CNTNAP2: variants seen among roughly 807,000 people sequenced by gnomAD.
CNTNAP2 encodes the protein contactin associated protein 2.
Under a neutral mutation model 155.2 loss-of-function variants are expected in CNTNAP2, and 98 were observed. The observed-to-expected ratio is 0.63, with a 90% CI of 0.54 to 0.75. CNTNAP2 has a LOEUF of 0.75. CNTNAP2 is among the 30% of genes least tolerant of loss of function. The probability of loss-of-function intolerance (pLI) is 0.00; values close to 1 mark genes in which losing one functional copy is unlikely to be tolerated. For missense variants in CNTNAP2, 1,727 were observed against 1,688.1 expected (o/e 1.02, Z -0.40); for synonymous variants, 651 against 631.2 (o/e 1.03, Z -0.47).
At chr7:147,517,166 C>T (rs1404666927) in intron 11 of CNTNAP2, among the ~76,000 whole-genome samples, 1 of 151,834 alleles carries the variant, frequency 6.6e-6, no homozygotes, top group Non-Finnish European at 1.5e-5. Context: ...CACCATGCCC[C>T]ACCAAGATGT....
intron 15 of CNTNAP2, among the ~76,000 whole-genome samples, chr7:148,087,212 G>A (rs1207945057): frequency 6.6e-6 from 1 of 152,076 alleles, no homozygotes; most frequent in African/African-American, 2.4e-5. Context: ...ATTATGTGGG[G>A]CCCCATGTTG....
At chr7:146,666,978 T>A (rs554096324) in intron 1 of CNTNAP2, among the ~76,000 whole-genome samples, 2 of 152,174 alleles carry the variant, frequency 1.3e-5, no homozygotes, top group African/African-American at 4.8e-5. Context: ...AGAAGCTTTT[T>A]AGTTTGATAT....
intron 15 of CNTNAP2, among the ~76,000 whole-genome samples, chr7:148,075,637 A>G (rs1803470664): frequency 6.6e-6 from 1 of 152,216 alleles, no homozygotes; most frequent in African/African-American, 2.4e-5. Flanking sequence ...AACAAAAATT[A>G]TAACTTTTAA....
At chr7:147,536,311 T>C (rs1413462653) in intron 11 of CNTNAP2, among the ~76,000 whole-genome samples, 1 of 152,264 alleles carries the variant, frequency 6.6e-6, no homozygotes, top group African/African-American at 2.4e-5. Flanking sequence ...GCTGCGAATG[T>C]GCCAGTGAGT....
intron 2 of CNTNAP2, among the ~76,000 whole-genome samples, chr7:146,795,336 T>A (rs1307499775): frequency 6.6e-6 from 1 of 152,240 alleles, no homozygotes; most frequent in Admixed American, 6.5e-5. Flanking sequence ...TACTTAGTAT[T>A]CTCCACAGTA....
At chr7:147,625,182 T>G (rs898325758) in intron 12 of CNTNAP2, among the ~76,000 whole-genome samples, 1 of 152,134 alleles carries the variant, frequency 6.6e-6, no homozygotes, top group Non-Finnish European at 1.5e-5. Flanking sequence ...AGACCTACTA[T>G]TAGGTAGCAC....
intron 8 of CNTNAP2, among the ~76,000 whole-genome samples, chr7:147,286,300 TGTA>T (rs1006555033): frequency 6.6e-5 from 10 of 152,082 alleles, no homozygotes; most frequent in Non-Finnish European, 1.0e-4. Flanking sequence ...TTTAAGAAAT[TGTA>T]ATAATAATAA....
chr7:147,871,955 T>C (rs1016072077), intron 13 of CNTNAP2, among the ~76,000 whole-genome samples: 2 of 152,204 alleles, frequency 1.3e-5, no homozygotes, highest in East Asian at 1.9e-4. Flanking sequence ...TAATGCTTTT[T>C]TCGTACGTGT....
At chr7:147,635,818 A>G (rs10269198) in intron 12 of CNTNAP2, among the ~76,000 whole-genome samples, 3,133 of 152,314 alleles carry the variant, frequency 0.021, 115 homozygotes, top group African/African-American at 0.071. Context: ...AGAAGACATC[A>G]GGTTTGAAGG....
At chr7:147,096,825 C>T (rs1800545557) in intron 4 of CNTNAP2, among the ~76,000 whole-genome samples, 1 of 152,192 alleles carries the variant, frequency 6.6e-6, no homozygotes, top group Non-Finnish European at 1.5e-5. Flanking sequence ...GAATCAGATT[C>T]CCTCCAATGC....
At chr7:147,347,702 CA>C (rs1795901717) in intron 9 of CNTNAP2, among the ~76,000 whole-genome samples, 1 of 151,666 alleles carries the variant, frequency 6.6e-6, no homozygotes, top group Non-Finnish European at 1.5e-5. Context: ...TGTGGGATCA[CA>C]AAAATCCCAG....
chr7:148,317,260 C>T (rs1797707033), intron 21 of CNTNAP2, among the ~76,000 whole-genome samples: 1 of 152,012 alleles, frequency 6.6e-6, no homozygotes, highest in Admixed American at 6.6e-5. Context: ...GAGACTGAGG[C>T]AGGAGAATTA....
chr7:147,410,308 T>C (rs1797081899), intron 10 of CNTNAP2, among the ~76,000 whole-genome samples: 1 of 152,208 alleles, frequency 6.6e-6, no homozygotes. Context: ...AAATGTCACA[T>C]GTTCTCACTT....
chr7:146,475,009 G>GCACACA (rs1245609319), intron 1 of CNTNAP2, among the ~76,000 whole-genome samples: 7 of 129,502 alleles, frequency 5.4e-5, no homozygotes, highest in Non-Finnish European at 1.1e-4. Context: ...ACGCGCGCGC[G>GCACACA]CGCGCACACA....
chr7:147,871,502 C>A (rs1372006712), intron 13 of CNTNAP2, among the ~76,000 whole-genome samples: 1 of 152,160 alleles, frequency 6.6e-6, no homozygotes, highest in African/African-American at 2.4e-5. Flanking sequence ...TCTATTGGTT[C>A]TTTTCCCCTC....
chr7:147,268,521 G>A (rs1351493377), intron 8 of CNTNAP2, among the ~76,000 whole-genome samples: 1 of 152,136 alleles, frequency 6.6e-6, no homozygotes, highest in Non-Finnish European at 1.5e-5. Context: ...CAGGGTGTGG[G>A]GTAGGGGAGG....
intron 21 of CNTNAP2, among the ~76,000 whole-genome samples, chr7:148,339,076 G>C (rs928868206): frequency 6.6e-6 from 1 of 152,130 alleles, no homozygotes; most frequent in Admixed American, 6.5e-5. Flanking sequence ...ATCAAGCACA[G>C]TAACCCTTTC....
chr7:146,560,213 A>T (rs1022356144), intron 1 of CNTNAP2, among the ~76,000 whole-genome samples: 1 of 152,074 alleles, frequency 6.6e-6, no homozygotes, highest in Non-Finnish European at 1.5e-5. Flanking sequence ...GGCAGGTGGA[A>T]AGTGTGTTAA....
rs560391986 is a variant in CNTNAP2 at position 147,594,488 on chromosome 7, T to G, written c.1897+32231T>G. ...GCCTTTGATGAGGGGCTTGACTACC[T>G]GCTTATGAATTAACAAATAGCAGAT... On this transcript the variant is annotated intron_variant, in intron 12 of 23. Coordinates refer to ENST00000361727, the MANE Select transcript of CNTNAP2 (RefSeq NM_014141.6). 3.3e-5 allele frequency among the ~76,000 whole-genome samples: 5 copies of G among 152,322 alleles called. No individual in the cohort carries two copies. In the South Asian group the frequency reaches 1.0e-3, roughly 32 times the overall value.
Sources: allele counts gnomAD v4.1 joint callset (sites outside exome capture counted in the v4.1 genomes callset), GRCh38; gene constraint gnomAD v4.1.1; transcripts MANE v1.5; gene names NCBI Gene and HGNC (gene_info 2026-07-23, HGNC 2026-07-21).